The following CPQ variants were observed in gnomAD, a reference collection of about 807,000 sequenced individuals.
CPQ encodes Ser-Met dipeptidase.
CPQ carries 37 observed loss-of-function variants against 45.7 expected under a neutral mutation model. That is an observed-to-expected ratio of 0.81 (90% CI 0.62 to 1.07). CPQ has a LOEUF of 1.07. CPQ is among the 50% of genes least tolerant of loss of function. CPQ has a pLI of 0.00. For missense variants in CPQ, 537 were observed against 572.9 expected (o/e 0.94, Z 0.64); for synonymous variants, 186 against 205.8 (o/e 0.90, Z 0.82).
At chr8:97,050,586 C>T (rs1040864651) in intron 6 of CPQ, among the ~76,000 whole-genome samples, 40 of 152,036 alleles carry the variant, frequency 2.6e-4, no homozygotes, top group African/African-American at 9.2e-4. Context: ...AAAAACAAGC[C>T]AGACGTGGTG....
intron 1 of CPQ, among the ~76,000 whole-genome samples, chr8:96,691,301 T>C (rs1342548029): frequency 6.6e-6 from 1 of 152,186 alleles, no homozygotes. Flanking sequence ...TTCTGTCTTC[T>C]CTTCTGTCTC....
At position 96,660,636 on chromosome 8, in the gene CPQ, GGTGTGTGTGTGT is replaced by G. The variant is rs71267273; in HGVS notation, c.-35+15251_-35+15262del. On this transcript the variant is annotated intron_variant, in intron 1 of 7. Coordinates refer to ENST00000220763, the MANE Select transcript of CPQ (RefSeq NM_016134.4). ...CTGAAATGGGGCTGAGAATACATTT[GGTGTGTGTGTGT>G]GTGTGTGTGTGTGTGTTTATACTTC... 4.9e-3 allele frequency among the ~76,000 whole-genome samples: 728 copies of G among 149,146 alleles called. 8 individuals carry two copies. The highest frequency in any genetic ancestry group is 0.017 in the African/African-American group (684 of 40,594).
intron 7 of CPQ, among the ~76,000 whole-genome samples, chr8:97,094,120 T>C (rs1257912115): frequency 6.6e-6 from 1 of 152,180 alleles, no homozygotes; most frequent in Non-Finnish European, 1.5e-5. Flanking sequence ...AGAACAAAAC[T>C]CTTTTCTGAC....
intron 4 of CPQ, among the ~76,000 whole-genome samples, chr8:96,881,748 G>C (rs1209894018): frequency 6.6e-6 from 1 of 152,172 alleles, no homozygotes; most frequent in Non-Finnish European, 1.5e-5. Context: ...TGCAAATAAA[G>C]GGATGGTATG....
intron 1 of CPQ, chr8:96,761,379 TA>T: frequency 6.6e-6 from 1 of 152,268 alleles, no homozygotes; most frequent in Non-Finnish European, 1.5e-5. Context: ...ACCTATGCTC[TA>T]AGCGCCCTTA....
At chr8:96,725,576 A>G (rs1162912957) in intron 1 of CPQ, among the ~76,000 whole-genome samples, 4 of 152,182 alleles carry the variant, frequency 2.6e-5, no homozygotes. Context: ...TTAAAAGACA[A>G]AAAATAACAG....
chr8:96,989,628 A>G (rs1461999768), intron 5 of CPQ, among the ~76,000 whole-genome samples: 3 of 152,166 alleles, frequency 2.0e-5, no homozygotes, highest in Non-Finnish European at 2.9e-5. Context: ...TCTAACATCA[A>G]ACACCCAGAC....
At chr8:96,681,458 A>G (rs564261189) in intron 1 of CPQ, among the ~76,000 whole-genome samples, 1 of 152,338 alleles carries the variant, frequency 6.6e-6, no homozygotes, top group East Asian at 1.9e-4. Flanking sequence ...GTAGGTACAC[A>G]GAAGTCAAGA....
In CPQ at chr8:97,065,983, A is replaced by G. The variant is rs1174735962; in HGVS notation, c.1054-26A>G. 3.7e-6 allele frequency: 6 copies of G among 1,607,364 alleles called. No homozygotes were observed. The South Asian group carries it at 5.5e-5, about 15-fold the overall frequency. On this transcript the variant is annotated intron_variant, in intron 6 of 7. Coordinates refer to ENST00000220763, the MANE Select transcript of CPQ (RefSeq NM_016134.4). ...GAAAGCACTGAAGCAACAGATAAGAACCAAACAATTTTCTCTTGTGTTTAG... is the reference window on the plus strand; with the variant it reads ...GAAAGCACTGAAGCAACAGATAAGAGCCAAACAATTTTCTCTTGTGTTTAG...
At chr8:97,011,399 C>T (rs539922240) in intron 5 of CPQ, among the ~76,000 whole-genome samples, 2 of 152,306 alleles carry the variant, frequency 1.3e-5, no homozygotes, top group East Asian at 1.9e-4. Flanking sequence ...ATATGGACCA[C>T]TGGGTAACAG....
At chr8:97,100,043 A>G (rs1434808226) in intron 7 of CPQ, among the ~76,000 whole-genome samples, 1 of 152,218 alleles carries the variant, frequency 6.6e-6, no homozygotes, top group African/African-American at 2.4e-5. Flanking sequence ...TTGTTTCTTC[A>G]TAGACACAGA....
At chr8:96,830,926 G>T (rs1249002933) in intron 2 of CPQ, among the ~76,000 whole-genome samples, 3 of 152,144 alleles carry the variant, frequency 2.0e-5, no homozygotes, top group Non-Finnish European at 4.4e-5. Flanking sequence ...AATGGGAAGA[G>T]CATGACCCCT....
chr8:96,719,061 C>T (rs1319662818), intron 1 of CPQ, among the ~76,000 whole-genome samples: 2 of 152,238 alleles, frequency 1.3e-5, no homozygotes, highest in East Asian at 1.9e-4. Context: ...GTGGAGCTGC[C>T]TGCCAGTCCT....
chr8:96,686,382 T>C (rs537121237), intron 1 of CPQ, among the ~76,000 whole-genome samples: 1 of 152,190 alleles, frequency 6.6e-6, no homozygotes, highest in East Asian at 1.9e-4. Context: ...TTTCTTGGTA[T>C]AGTACATGAT....
chr8:96,776,350 C>T (rs1160734660), intron 1 of CPQ, among the ~76,000 whole-genome samples: 1 of 152,090 alleles, frequency 6.6e-6, no homozygotes, highest in Non-Finnish European at 1.5e-5. Flanking sequence ...TCAGTGAATC[C>T]TGTTCAGGAA....
chr8:97,030,197 C>A (rs144123498), intron 6 of CPQ, among the ~76,000 whole-genome samples: 28 of 152,200 alleles, frequency 1.8e-4, no homozygotes, highest in African/African-American at 6.8e-4. Flanking sequence ...CCAAAATCAA[C>A]GCGCATATGC....
At chr8:97,023,276 A>G (rs1423508944) in intron 5 of CPQ, among the ~76,000 whole-genome samples, 1 of 151,972 alleles carries the variant, frequency 6.6e-6, no homozygotes, top group Non-Finnish European at 1.5e-5. Flanking sequence ...CCAAGCTATG[A>G]GGATGCAAAG....
chr8:96,949,474 C>T (rs1813231547), intron 4 of CPQ, among the ~76,000 whole-genome samples: 1 of 151,766 alleles, frequency 6.6e-6, no homozygotes, highest in Non-Finnish European at 1.5e-5. Context: ...CAGTCCAGAC[C>T]CAGGTTTTAT....
At chr8:96,894,473 G>A (rs2130891811) in intron 4 of CPQ, among the ~76,000 whole-genome samples, 1 of 152,288 alleles carries the variant, frequency 6.6e-6, no homozygotes, top group Non-Finnish European at 1.5e-5. Flanking sequence ...TCTGGGCAAA[G>A]AGGCAAGTGT....
Sources: gnomAD v4.1 joint callset for allele counts (sites outside exome capture counted in the v4.1 genomes callset) on GRCh38, gnomAD v4.1.1 for gene constraint, MANE v1.5 for transcripts, NCBI Gene and HGNC (gene_info 2026-07-23, HGNC 2026-07-21) for gene names.